PTPRF: variants seen among roughly 807,000 people sequenced by gnomAD.
The protein encoded by PTPRF is receptor-type tyrosine-protein phosphatase F.
Under a neutral mutation model 201.8 loss-of-function variants are expected in PTPRF, and 59 were observed. That is an observed-to-expected ratio of 0.29 (90% confidence interval 0.24 to 0.36). The LOEUF (loss-of-function observed/expected upper bound fraction) is 0.36, where lower values mean the gene tolerates loss of function less well. PTPRF is among the 10% of genes least tolerant of loss of function. The pLI is 1.00. For missense variants in PTPRF, 2,132 were observed against 2,690.5 expected (o/e 0.79, Z 4.59); for synonymous variants, 1,088 against 1,089.7 (o/e 1.00, Z 0.03).
In PTPRF at chr1:43,617,837, G is replaced by A. The variant is rs776942329; in HGVS notation, c.4297G>A (p.Asp1433Asn). The change falls in exon 25 of 34, where the codon GAT (aspartate) becomes AAT (asparagine). Residue 1433 changes from aspartate to asparagine, a missense_variant. By Grantham distance (23) the Asp-to-Asn change is conservative (BLOSUM62 1). Transcript: ENST00000359947. The part of the protein sequence containing the change: ...TQGPLPETMG[D>N]FWRMVWEQRT... ...GGGCCCCCTGCCCGAGACCATGGGT[G>A]ATTTCTGGAGGATGGTGTGGGAACA... 3.7e-6 allele frequency: 6 copies of A among 1,613,804 alleles called. No homozygotes were observed. The highest frequency in any genetic ancestry group is 2.2e-5 in the East Asian group (1 of 44,860).
At chr1:43,547,459 A>T (rs1004890099) in intron 3 of PTPRF, among the ~76,000 whole-genome samples, 1 of 152,236 alleles carries the variant, frequency 6.6e-6, no homozygotes, top group Non-Finnish European at 1.5e-5. Context: ...ACCGAGCCGC[A>T]GGAGCCAGGG....
intron 11 of PTPRF, among the ~76,000 whole-genome samples, chr1:43,593,393 C>T (rs1428781333): frequency 6.6e-6 from 1 of 152,146 alleles, no homozygotes; most frequent in Non-Finnish European, 1.5e-5. Context: ...TTGTGGGTCT[C>T]GGTAGCCCCC....
chr1:43,591,173 A>C lies in PTPRF; in HGVS notation c.1151A>C (p.Glu384Ala). ...YSIGGLSPFS[E>A]YAFRVLAVNS... ...ATTGGCGGCCTCAGCCCTTTCTCGG[A>C]ATATGCCTTCCGCGTGCTGGCGGTG... The change falls in exon 9 of 34, where the codon GAA (glutamate) becomes GCA (alanine). Residue 384 changes from glutamate to alanine, a missense_variant. By Grantham distance (107) the Glu-to-Ala change is moderately radical. Around this residue, in one of 6 missense-constraint regions of PTPRF, gnomAD observed 351 missense variants for 401.7 expected, o/e 0.87. Transcript: ENST00000359947. 6.2e-7 allele frequency: 1 copy of C among 1,612,530 alleles called. No homozygotes were observed. The highest frequency in any genetic ancestry group is 8.5e-7 in the Non-Finnish European group (1 of 1,179,532).
At chr1:43,620,765 AC>A in intron 31 of PTPRF, 72 bp from the exon 32 acceptor site, 1 of 1,560,918 alleles carries the variant, frequency 6.4e-7, no homozygotes, top group Non-Finnish European at 8.7e-7. Context: ...TCATGGTACT[AC>A]CCTGGTCTAG....
intron 7 of PTPRF, among the ~76,000 whole-genome samples, chr1:43,581,505 C>T (rs1194098399): frequency 6.6e-6 from 1 of 152,242 alleles, no homozygotes; most frequent in Admixed American, 6.5e-5. Context: ...TACTGTCCTA[C>T]TGACAGGACT....
chr1:43,538,222 G>C lies in PTPRF; in HGVS notation c.-101G>C. 2.5e-6 allele frequency: 1 copy of C among 398,622 alleles called. No homozygotes were observed. The highest frequency in any genetic ancestry group is 4.4e-6 in the Non-Finnish European group (1 of 226,090). 24.7% of individuals were successfully genotyped at this position (398,622 alleles called of 1,614,324 possible). Reference sequence around the variant, plus strand: ...GGAAGGAGTGGAGGCCCTGGTGCCCGGCCCTTGGTGCTGAGTATCCAGCAA... The same window carrying C: ...GGAAGGAGTGGAGGCCCTGGTGCCCCGCCCTTGGTGCTGAGTATCCAGCAA... On this transcript the variant is annotated 5_prime_UTR_variant, in exon 2 of 34. Transcript: ENST00000359947.
upstream of PTPRF, among the ~76,000 whole-genome samples, chr1:43,523,058 G>A (rs572284987): frequency 9.2e-5 from 14 of 152,214 alleles, no homozygotes; most frequent in Non-Finnish European, 1.8e-4. Flanking sequence ...CAGAGTTGAA[G>A]AGAAAGGTAC....
At chr1:43,548,704 A>T (rs1644834966) in intron 3 of PTPRF, among the ~76,000 whole-genome samples, 1 of 152,090 alleles carries the variant, frequency 6.6e-6, no homozygotes, top group Non-Finnish European at 1.5e-5. Flanking sequence ...AGTGGGCTCC[A>T]GGGGGGTACC....
Position 43,559,575 on chromosome 1 carries a change from CTGTG to C in PTPRF, c.379+5637_379+5640del, listed in dbSNP as rs564085964. 8.9e-3 allele frequency among the ~76,000 whole-genome samples: 644 copies of C among 71,986 alleles called. 10 individuals are homozygous for C. The highest frequency in any genetic ancestry group is 0.028 in the African/African-American group (591 of 20,908). The allele number at this position is 71,986 out of a possible 152,430, so 47.2% of individuals were successfully genotyped here. On this transcript the variant is annotated intron_variant, in intron 5 of 33. Transcript: ENST00000359947. ...GGGTGTGCAGTAGGTGTGCAGTAGA[CTGTG>C]TGCAGCAGGCGTGTGTGTGTGTACA...
chr1:43,567,981 ACT>A (rs1646298201), intron 5 of PTPRF, among the ~76,000 whole-genome samples: 1 of 152,012 alleles, frequency 6.6e-6, no homozygotes, highest in Non-Finnish European at 1.5e-5. Context: ...TGGGAGAGAC[ACT>A]CTGCTGAGGC....
intron 23 of PTPRF, 57 bp from the exon 24 acceptor site, chr1:43,617,388 G>A (rs1658124023): frequency 1.2e-6 from 2 of 1,607,628 alleles, no homozygotes; most frequent in Non-Finnish European, 1.7e-6. Flanking sequence ...CCCTGCAGGA[G>A]AAGCAGGTCA....
At position 43,552,433 on chromosome 1, in the gene PTPRF, T is replaced by A. The variant is rs79422703; in HGVS notation, c.92-1059T>A. On this transcript the variant is annotated intron_variant, in intron 3 of 33. Coordinates refer to ENST00000359947, the MANE Select transcript of PTPRF (RefSeq NM_002840.5). ...GCCTGTAAACTGAGGATAATAGCAA[T>A]GAAGGACTAAAGATAAAGAACCTGG... Among the ~76,000 whole-genome samples the A allele has an allele frequency of 9.9e-3, 1,512 of 152,240 alleles. 30 individuals are homozygous for A. Among genetic ancestry groups the A allele is most frequent in the African/African-American group, 0.036 (1,475 of 41,524 alleles).
intron 1 of PTPRF, among the ~76,000 whole-genome samples, chr1:43,536,867 C>T (rs1309120079): frequency 2.6e-5 from 4 of 152,106 alleles, no homozygotes; most frequent in Non-Finnish European, 4.4e-5. Flanking sequence ...TTGGGATGGC[C>T]TTCAGTCGGT....
chr1:43,603,963 C>A lies in PTPRF; in HGVS notation c.2811C>A (p.Asp937Glu). ...CGTCTACCACAGAACTGGCCTGGGA[C>A]CCGCCAGTGCTGGCGGAGAGGAACG... ...LTTSTTELAW[D>E]PPVLAERNGR... Residue 937 changes from aspartate (D) to glutamate (E), a missense_variant, in exon 16 of 34, where the codon GAC (aspartate) becomes GAA (glutamate). Coordinates refer to ENST00000359947, the MANE Select transcript of PTPRF (RefSeq NM_002840.5). The surrounding 1 kb of genome is among the most constrained non-coding windows in gnomAD (Gnocchi z 5.8). 6.2e-7 allele frequency: 1 copy of A among 1,614,156 alleles called. No homozygotes were observed.
At position 43,605,200 on chromosome 1, in the gene PTPRF, A is replaced by G; in HGVS notation, c.3146A>G (p.Asn1049Ser). The change falls in exon 18 of 34, where the codon AAT (asparagine) becomes AGT (serine). Residue 1049 changes from asparagine to serine, a missense_variant. Around this residue, in one of 6 missense-constraint regions of PTPRF, gnomAD observed 818 missense variants for 915.3 expected, o/e 0.89. Coordinates refer to ENST00000359947, the MANE Select transcript of PTPRF (RefSeq NM_002840.5). Reference protein sequence around the residue: ...KSAVPFKILYNGQSVEVDGHS... With the variant: ...KSAVPFKILYSGQSVEVDGHS... ...TCCCGTCCCCCACAGATTCTGTACA[A>G]TGGGCAGAGTGTGGAGGTGGACGGG... is the stretch of plus-strand genomic sequence containing the variant. 6.2e-7 allele frequency: 1 copy of G among 1,600,114 alleles called. No homozygotes were observed. Among genetic ancestry groups the G allele is most frequent in the South Asian group, 1.1e-5 (1 of 90,272 alleles).
intron 9 of PTPRF, 23 bp from the exon 10 acceptor site, chr1:43,591,789 C>T (rs932772853): frequency 1.2e-6 from 2 of 1,612,180 alleles, no homozygotes; most frequent in East Asian, 2.2e-5. Flanking sequence ...TGAGGCTGAC[C>T]TGCCTGGTGT....
chr1:43,575,737 C>T (rs1646880549), intron 6 of PTPRF, among the ~76,000 whole-genome samples: 1 of 152,122 alleles, frequency 6.6e-6, no homozygotes, highest in Non-Finnish European at 1.5e-5. Flanking sequence ...CAGTCTGGCT[C>T]TGCCTGCTTG....
At chr1:43,577,828 T>C (rs1397418216) in intron 6 of PTPRF, among the ~76,000 whole-genome samples, 1 of 152,196 alleles carries the variant, frequency 6.6e-6, no homozygotes, top group Non-Finnish European at 1.5e-5. Context: ...TAATTGTCTG[T>C]TGGATTGTTC....
intron 6 of PTPRF, among the ~76,000 whole-genome samples, chr1:43,573,069 C>A (rs1027124724): frequency 6.6e-6 from 1 of 152,136 alleles, no homozygotes; most frequent in African/African-American, 2.4e-5. Flanking sequence ...AGGTAGCTGA[C>A]GGCATGCGCT....
Sources: gnomAD v4.1 joint callset for allele counts (sites outside exome capture counted in the v4.1 genomes callset) on GRCh38, gnomAD v4.1.1 for gene constraint, gnomAD v4.1.1 regional missense constraint, Gnocchi (gnomAD v3.1) non-coding constraint, MANE v1.5 for transcripts, NCBI Gene and HGNC (gene_info 2026-07-23, HGNC 2026-07-21) for gene names.